The following SSU72 variants were observed in gnomAD, a reference collection of about 807,000 sequenced individuals.
SSU72 encodes SSU72 homolog, RNA polymerase II CTD phosphatase.
A neutral mutation model predicts 22.7 loss-of-function variants in SSU72; 12 were observed. The ratio of observed to expected loss-of-function variants is 0.53; its 90% confidence interval spans 0.34 to 0.86. The LOEUF is 0.86. Ranked by LOEUF, SSU72 falls within the 40% of genes least tolerant of loss-of-function variation. The pLI, the probability that SSU72 is intolerant of heterozygous loss-of-function variation, is 0.02. For missense variants in SSU72, 151 were observed against 249.8 expected (o/e 0.60, Z 2.67); for synonymous variants, 116 against 98.3 (o/e 1.18, Z -1.06).
intron 2 of SSU72, among the ~76,000 whole-genome samples, chr1:1,555,334 T>A (rs116251088): frequency 0.011 from 1,636 of 152,320 alleles, 14 homozygotes; most frequent in Non-Finnish European, 0.017. Flanking sequence ...GTGGAGCTCC[T>A]GGGAGCCTCG....
intron 2 of SSU72, among the ~76,000 whole-genome samples, chr1:1,556,396 C>T (rs561008446): frequency 1.2e-4 from 19 of 152,138 alleles, no homozygotes; most frequent in East Asian, 1.9e-4. Flanking sequence ...AAAAATTAGC[C>T]GGACGTGGTG....
At chr1:1,574,159 ACACGAAATAC>A (rs1389220989) in intron 1 of SSU72, among the ~76,000 whole-genome samples, 2 of 151,884 alleles carry the variant, frequency 1.3e-5, no homozygotes, top group Non-Finnish European at 2.9e-5. Context: ...CCAACGACGC[ACACGAAATAC>A]CATGATCGGC....
intron 2 of SSU72, chr1:1,561,545 G>A (rs1642592796): frequency 6.6e-6 from 1 of 152,258 alleles, no homozygotes; most frequent in Non-Finnish European, 1.5e-5. Flanking sequence ...ACTTGTAACA[G>A]TCACTTCCCG....
At chr1:1,567,369 C>A (rs557619798) in intron 1 of SSU72, among the ~76,000 whole-genome samples, 13 of 152,356 alleles carry the variant, frequency 8.5e-5, no homozygotes, top group East Asian at 5.8e-4. Context: ...ATCTACCACA[C>A]ACGGCCAGAA....
At chr1:1,571,785 A>G (rs1394218135) in intron 1 of SSU72, among the ~76,000 whole-genome samples, 1 of 121,960 alleles carries the variant, frequency 8.2e-6, no homozygotes, top group Non-Finnish European at 1.5e-5. Flanking sequence ...TTAACAAGAT[A>G]GCTAAATAAT....
chr1:1,573,429 C>CAAAAAAAAAAAAAAAAA (rs56930035), intron 1 of SSU72, among the ~76,000 whole-genome samples: 5 of 107,446 alleles, frequency 4.7e-5, no homozygotes, highest in Non-Finnish European at 1.0e-4. Context: ...GACTCTGTCT[C>CAAAAAAAAAAAAAAAAA]AAAAAAAAAA....
intron 2 of SSU72, chr1:1,564,432 G>C: frequency 6.9e-7 from 1 of 1,444,678 alleles, no homozygotes; most frequent in Non-Finnish European, 9.1e-7. Flanking sequence ...AGGAAATAAC[G>C]GGGCAGCCCT....
intron 2 of SSU72, among the ~76,000 whole-genome samples, chr1:1,559,289 G>A (rs550722821): frequency 7.9e-5 from 12 of 152,290 alleles, no homozygotes; most frequent in African/African-American, 2.6e-4. Context: ...CCTGTAGCAC[G>A]GGAAGCTGCT....
chr1:1,560,025 T>C (rs993178946), intron 2 of SSU72, among the ~76,000 whole-genome samples: 8 of 151,974 alleles, frequency 5.3e-5, no homozygotes, highest in African/African-American at 1.7e-4. Context: ...ATGCCTAGCG[T>C]TTTGTACTTT....
chr1:1,572,209 C>T (rs1393370257), intron 1 of SSU72, among the ~76,000 whole-genome samples: 2 of 147,292 alleles, frequency 1.4e-5, no homozygotes, highest in Admixed American at 6.8e-5. Flanking sequence ...AGGCGGATCA[C>T]GAGGTCAGGA....
chr1:1,551,501 G>A (rs1281584194), intron 2 of SSU72, among the ~76,000 whole-genome samples: 3 of 152,184 alleles, frequency 2.0e-5, no homozygotes, highest in Admixed American at 1.3e-4. Flanking sequence ...TTTCACTTGC[G>A]ATCAAATTCT....
At chr1:1,572,724 T>C (rs895338526) in intron 1 of SSU72, among the ~76,000 whole-genome samples, 1 of 151,454 alleles carries the variant, frequency 6.6e-6, no homozygotes, top group Non-Finnish European at 1.5e-5. Flanking sequence ...CCCAAGGTGC[T>C]AGGATTACAG....
intron 4 of SSU72, among the ~76,000 whole-genome samples, chr1:1,543,393 G>A (rs1234576750): frequency 6.6e-6 from 1 of 152,248 alleles, no homozygotes; most frequent in Non-Finnish European, 1.5e-5. Context: ...GGCGTTCCCT[G>A]GAGCCGTGTC....
chr1:1,542,248 G>C lies in SSU72; in HGVS notation c.484-81C>G. On this transcript the variant is annotated intron_variant, in intron 4 of 4. Coordinates refer to ENST00000291386, the MANE Select transcript of SSU72 (RefSeq NM_014188.3). The surrounding 1 kb of genome is among the most constrained non-coding windows in gnomAD (Gnocchi z 4.4). ...CTAACACCTGGATCGCCAGGGAAAC[G>C]CCAGGCCTGAGCCAGCAGAAACCAG... The C allele has an allele frequency of 7.3e-7, 1 of 1,365,438 alleles. No homozygotes were observed. The highest frequency in any genetic ancestry group is 1.0e-6 in the Non-Finnish European group (1 of 983,214). The allele number at this position is 1,365,438 out of a possible 1,614,324, so 84.6% of individuals were successfully genotyped here.
chr1:1,543,572 A>G (rs1271876723), intron 4 of SSU72, among the ~76,000 whole-genome samples: 2 of 150,558 alleles, frequency 1.3e-5, no homozygotes, highest in African/African-American at 5.0e-5. Context: ...CCCAAGCAGC[A>G]GGGCCGGCCT....
chr1:1,544,933 G>A lies in SSU72; in HGVS notation c.294C>T (p.Phe98=). Residue 98 remains phenylalanine (F), a synonymous_variant, in exon 3 of 5, where the codon TTC becomes TTT. Coordinates refer to ENST00000291386, the MANE Select transcript of SSU72 (RefSeq NM_014188.3). ...NKRIKPRPER[F]QNCKDLFDLI... Reference sequence around the variant, plus strand: ...GATCAAACAGGTCTTTGCAGTTCTGGAATCTTTCTGGCCGGGGCTTGATTC... The same window carrying A: ...GATCAAACAGGTCTTTGCAGTTCTGAAATCTTTCTGGCCGGGGCTTGATTC... 1 of 1,614,202 alleles carries A rather than the reference G, an allele frequency of 6.2e-7. No individual in the cohort carries two copies.
chr1:1,570,859 C>T (rs956822650), intron 1 of SSU72, among the ~76,000 whole-genome samples: 5 of 152,116 alleles, frequency 3.3e-5, no homozygotes, highest in African/African-American at 1.2e-4. Flanking sequence ...CGCCTGTAAT[C>T]CCAGCACTTT....
chr1:1,554,273 C>T lies in SSU72; in HGVS notation c.225-9271G>A, dbSNP rs924529750. 6.6e-6 allele frequency among the ~76,000 whole-genome samples: 1 copy of T among 151,762 alleles called. No homozygotes were observed. The highest frequency in any genetic ancestry group is 6.6e-5 in the Admixed American group (1 of 15,252). On this transcript the variant is annotated intron_variant, in intron 2 of 4. Coordinates refer to ENST00000291386, the MANE Select transcript of SSU72 (RefSeq NM_014188.3). The surrounding 1 kb of genome is among the most constrained non-coding windows in gnomAD (Gnocchi z 4.1). ...GACCCGGACCACTCGGGGGCCCCCA[C>T]GAAGCTGAGCACGAGACGGATCCGG...
At chr1:1,550,776 C>G (rs796926514) in intron 2 of SSU72, among the ~76,000 whole-genome samples, 2 of 152,330 alleles carry the variant, frequency 1.3e-5, no homozygotes, top group African/African-American at 2.4e-5. Context: ...GGACCATGGA[C>G]TGGTGCCGGC....
Sources: gnomAD v4.1 joint callset for allele counts (sites outside exome capture counted in the v4.1 genomes callset) on GRCh38, gnomAD v4.1.1 for gene constraint, Gnocchi (gnomAD v3.1) non-coding constraint, MANE v1.5 for transcripts, NCBI Gene and HGNC (gene_info 2026-07-23, HGNC 2026-07-21) for gene names.